The following XKR6 variants were observed in gnomAD, a reference collection of about 807,000 sequenced individuals.
XKR6 encodes XK-related protein 6.
XKR6 carries 22 observed loss-of-function variants against 56.7 expected under a neutral mutation model. The ratio of observed to expected loss-of-function variants is 0.39; its 90% CI spans 0.28 to 0.55. The LOEUF (loss-of-function observed/expected upper bound fraction) is 0.55, where lower values mean the gene tolerates loss of function less well. Ranked by LOEUF, XKR6 falls within the 20% of genes least tolerant of loss-of-function variation. XKR6 has a pLI of 0.66. For missense variants in XKR6, 852 were observed against 889.0 expected (o/e 0.96, Z 0.53); for synonymous variants, 524 against 387.8 (o/e 1.35, Z -4.13).
chr8:11,155,464 C>A (rs1204370462), intron 1 of XKR6, among the ~76,000 whole-genome samples: 2 of 152,184 alleles, frequency 1.3e-5, no homozygotes, highest in Non-Finnish European at 2.9e-5. Flanking sequence ...AAAGACTTCA[C>A]AACAGTTGTG....
At chr8:11,046,695 C>T (rs937618278) in intron 1 of XKR6, among the ~76,000 whole-genome samples, 2 of 152,014 alleles carry the variant, frequency 1.3e-5, no homozygotes, top group African/African-American at 4.8e-5. Flanking sequence ...CGCTTATTCA[C>T]AATAGCCAAG....
intron 1 of XKR6, among the ~76,000 whole-genome samples, chr8:11,041,831 C>T (rs1799294284): frequency 6.6e-6 from 1 of 152,212 alleles, no homozygotes; most frequent in African/African-American, 2.4e-5. Flanking sequence ...TGGTCTAATA[C>T]ATTGATACAG....
At chr8:10,995,362 T>C (rs77042424) in intron 1 of XKR6, among the ~76,000 whole-genome samples, 18,825 of 148,418 alleles carry the variant, frequency 0.13, 1,319 homozygotes, top group Middle Eastern at 0.19. Context: ...TATATATATA[T>C]GTTATATATG....
chr8:11,119,254 G>A (rs551678042), intron 1 of XKR6, among the ~76,000 whole-genome samples: 11 of 152,308 alleles, frequency 7.2e-5, no homozygotes, highest in Admixed American at 6.5e-4. Context: ...TGGAATAGGT[G>A]TGGTGTCGTG....
At chr8:11,066,594 C>A (rs1799985071) in intron 1 of XKR6, among the ~76,000 whole-genome samples, 3 of 152,228 alleles carry the variant, frequency 2.0e-5, no homozygotes, top group Non-Finnish European at 4.4e-5. Flanking sequence ...CAGCCCCAGT[C>A]CCACAGTCTG....
In XKR6 at chr8:11,012,510, C is replaced by T. The variant is rs535681354; in HGVS notation, c.765-87680G>A. Among the ~76,000 whole-genome samples the T allele has an allele frequency of 2.1e-3, 325 of 152,280 alleles. 1 individual carries two copies. The highest frequency in any genetic ancestry group is 7.4e-3 in the African/African-American group (308 of 41,548). On this transcript the variant is annotated intron_variant, in intron 1 of 2. Coordinates refer to ENST00000416569, the MANE Select transcript of XKR6 (RefSeq NM_173683.4). ...ACGGCTGCTATTATCATCACCATCACCATCACCATCGACAGCAGTCCCTGG... is the reference window on the plus strand; with the variant it reads ...ACGGCTGCTATTATCATCACCATCATCATCACCATCGACAGCAGTCCCTGG...
intron 1 of XKR6, among the ~76,000 whole-genome samples, chr8:10,951,294 TG>T (rs1801713011): frequency 2.0e-5 from 2 of 99,256 alleles, no homozygotes; most frequent in Non-Finnish European, 4.0e-5. Context: ...AGTGTGTGTG[TG>T]TGTGGGGGGG....
chr8:11,165,090 C>CTTTTTTTT (rs35783491), intron 1 of XKR6, among the ~76,000 whole-genome samples: 4 of 82,472 alleles, frequency 4.9e-5, no homozygotes, highest in Non-Finnish European at 9.3e-5. Context: ...AGGCTATCAC[C>CTTTTTTTT]TTTTTTTTTT....
At chr8:11,157,514 G>GTATC (rs1416201576) in intron 1 of XKR6, among the ~76,000 whole-genome samples, 1 of 151,996 alleles carries the variant, frequency 6.6e-6, no homozygotes, top group Admixed American at 6.6e-5. Flanking sequence ...ATGTATGTAT[G>GTATC]TATGTATGTA....
At chr8:11,183,531 C>G (rs1434641167) in intron 1 of XKR6, among the ~76,000 whole-genome samples, 1 of 151,620 alleles carries the variant, frequency 6.6e-6, no homozygotes, top group Non-Finnish European at 1.5e-5. Context: ...ATGCTGGGCT[C>G]AAGCTGGTCT....
At chr8:11,114,144 T>C (rs1799044186) in intron 1 of XKR6, 2 of 409,110 alleles carry the variant, frequency 4.9e-6, no homozygotes, top group Non-Finnish European at 9.4e-6. Context: ...ATGAAATCTC[T>C]AACATGACAC....
At chr8:10,992,054 C>A (rs1345692837) in intron 1 of XKR6, among the ~76,000 whole-genome samples, 1 of 152,196 alleles carries the variant, frequency 6.6e-6, no homozygotes, top group Non-Finnish European at 1.5e-5. Flanking sequence ...CAGACCTGGC[C>A]GTGAGTCCTG....
chr8:11,148,344 A>G (rs983045681), intron 1 of XKR6, among the ~76,000 whole-genome samples: 9 of 152,242 alleles, frequency 5.9e-5, no homozygotes, highest in Admixed American at 5.9e-4. Flanking sequence ...GCATGCTCAG[A>G]GCAAAGCCCA....
At chr8:11,199,757 G>C (rs889842105) in intron 1 of XKR6, among the ~76,000 whole-genome samples, 3 of 152,166 alleles carry the variant, frequency 2.0e-5, no homozygotes, top group Non-Finnish European at 2.9e-5. Context: ...TTTACAAAAC[G>C]AGAAAGGGCC....
intron 2 of XKR6, among the ~76,000 whole-genome samples, chr8:10,904,290 G>A (rs1800123526): frequency 6.6e-6 from 1 of 152,164 alleles, no homozygotes; most frequent in African/African-American, 2.4e-5. Flanking sequence ...AGGCTGGGGG[G>A]CTGGGGAAGG....
rs748861410 is a variant in XKR6, at chr8:11,192,635, A to C, written c.764+7941T>G. ...GTTTCTTTAGAAAAAAAATTACTGAAGCCAAGTGAATGGTAACAGGTGTTC... is the reference window on the plus strand; with the variant it reads ...GTTTCTTTAGAAAAAAAATTACTGACGCCAAGTGAATGGTAACAGGTGTTC... On this transcript the variant is annotated intron_variant, in intron 1 of 2. Coordinates refer to ENST00000416569, the MANE Select transcript of XKR6 (RefSeq NM_173683.4). 1.3e-5 allele frequency among the ~76,000 whole-genome samples: 2 copies of C among 152,052 alleles called. 1 individual carries two copies. The highest frequency in any genetic ancestry group is 2.9e-5 in the Non-Finnish European group (2 of 68,002).
rs1800759585 is a variant in XKR6, at chr8:11,142,532, C to T, written c.764+58044G>A. Among the ~76,000 whole-genome samples the T allele has an allele frequency of 1.3e-5, 2 of 152,134 alleles. 1 individual carries two copies. Among genetic ancestry groups the T allele is most frequent in the African/African-American group, 4.8e-5 (2 of 41,414 alleles). On this transcript the variant is annotated intron_variant, in intron 1 of 2. Transcript: ENST00000416569. ...CCTCATGAATGGCTTAACACCATCTCCTTGGTGATGAGTGAGTTATTGCTC... is the reference window on the plus strand; with the variant it reads ...CCTCATGAATGGCTTAACACCATCTTCTTGGTGATGAGTGAGTTATTGCTC...
At chr8:10,906,922 C>A (rs957056441) in intron 2 of XKR6, among the ~76,000 whole-genome samples, 1 of 152,130 alleles carries the variant, frequency 6.6e-6, no homozygotes, top group Admixed American at 6.5e-5. Flanking sequence ...GTGGCAAGTG[C>A]CCATAGTCCT....
At chr8:11,146,088 G>T (rs565314309) in intron 1 of XKR6, among the ~76,000 whole-genome samples, 1 of 152,196 alleles carries the variant, frequency 6.6e-6, no homozygotes, top group East Asian at 1.9e-4. Flanking sequence ...AGTAAAGAAA[G>T]AATAGCCTTT....
Sources: allele counts gnomAD v4.1 joint callset (sites outside exome capture counted in the v4.1 genomes callset), GRCh38; gene constraint gnomAD v4.1.1; transcripts MANE v1.5; gene names NCBI Gene and HGNC (gene_info 2026-07-23, HGNC 2026-07-21).